TACC1: variants seen among roughly 807,000 people sequenced by gnomAD.
TACC1 encodes transforming acidic coiled-coil containing protein 1, also known as transforming acidic coiled-coil-containing protein 1.
TACC1 carries 48 observed loss-of-function variants against 84.4 expected under a neutral mutation model. The ratio of observed to expected loss-of-function variants is 0.57; its 90% CI spans 0.45 to 0.72. The LOEUF (loss-of-function observed/expected upper bound fraction) is 0.72. Ranked by LOEUF, TACC1 falls within the 30% of genes least tolerant of loss-of-function variation. The pLI is 0.00. For synonymous variants in TACC1, 372 were observed against 376.3 expected (o/e 0.99, Z 0.13); for missense variants, 920 against 973.0 (o/e 0.95, Z 0.72).
chr8:38,844,201 TTCTC>T (rs1294129110), intron 11 of TACC1, among the ~76,000 whole-genome samples: 6 of 152,004 alleles, frequency 3.9e-5, no homozygotes, highest in African/African-American at 7.2e-5. Context: ...GAGACGGAGT[TTCTC>T]TCTGTCACCC....
chr8:38,839,327 A>G lies in TACC1; in HGVS notation c.1916+781A>G, dbSNP rs190672181. 542 of 396,194 alleles carry G rather than the reference A, an allele frequency of 1.4e-3. 1 individual carries two copies. The highest frequency in any genetic ancestry group is 2.2e-3 in the Non-Finnish European group (493 of 224,270). The allele number at this position is 396,194 out of a possible 1,614,324, so 24.5% of individuals were successfully genotyped here. On this transcript the variant is annotated intron_variant, in intron 8 of 12. Transcript: ENST00000317827. ...TCTTTTTATTTTTCCTCACTTTTAG[A>G]AAGGAGAGTTATGAGCCATGAAATG... is the stretch of plus-strand genomic sequence containing the variant.
At chr8:38,776,010 G>T (rs904301340) in intron 3 of TACC1, among the ~76,000 whole-genome samples, 1 of 152,126 alleles carries the variant, frequency 6.6e-6, no homozygotes, top group Non-Finnish European at 1.5e-5. Context: ...TGAAGCCAAA[G>T]AACAATGATT....
intron 5 of TACC1, among the ~76,000 whole-genome samples, chr8:38,829,913 C>G (rs1357425191): frequency 6.6e-6 from 1 of 152,078 alleles, no homozygotes; most frequent in Non-Finnish European, 1.5e-5. Context: ...GGTGAGTGTC[C>G]CCTTGAAGCT....
In TACC1 at chr8:38,842,464, C is replaced by A; in HGVS notation, c.2121+17C>A. The A allele has an allele frequency of 6.3e-7, 1 of 1,593,978 alleles. No individual in the cohort carries two copies. Among genetic ancestry groups the A allele is most frequent in the Non-Finnish European group, 8.5e-7 (1 of 1,170,540 alleles). ...TTCAAGAAGGTAGAGTGTTTTTTCC[C>A]TCTGTCTCCTGGTGTATTTCCAGTA... On this transcript the variant is annotated intron_variant, in intron 10 of 12. Transcript: ENST00000317827.
chr8:38,743,292 TTGAA>T (rs3076913), intron 2 of TACC1, among the ~76,000 whole-genome samples: 30,147 of 150,942 alleles, frequency 0.2, 3,130 homozygotes, highest in African/African-American at 0.22. Context: ...TATATATTTG[TTGAA>T]TGAATGAATG....
At chr8:38,757,223 T>TCCCTCGCCCC in intron 3 of TACC1, 1 of 109,678 alleles carries the variant, frequency 9.1e-6, no homozygotes, top group South Asian at 5.7e-5. Flanking sequence ...CACCCCGCCC[T>TCCCTCGCCCC]CCCTCGCCCC....
intron 2 of TACC1, among the ~76,000 whole-genome samples, chr8:38,794,109 A>G (rs771078997): frequency 6.6e-6 from 1 of 152,152 alleles, no homozygotes; most frequent in Non-Finnish European, 1.5e-5. Context: ...CATATTTGCA[A>G]AGGGGAAGTG....
chr8:38,845,916 A>G (rs564309069), intron 11 of TACC1, among the ~76,000 whole-genome samples: 1 of 152,336 alleles, frequency 6.6e-6, no homozygotes, highest in East Asian at 1.9e-4. Context: ...ATTTTAATTT[A>G]CATGCCTCTG....
Position 38,827,264 on chromosome 8 carries a change from A to T in TACC1, c.1549A>T (p.Lys517Ter). The change falls in exon 5 of 13, where the codon AAA (lysine) becomes TAA (stop). Residue 517 changes from lysine (K) to a stop codon, truncating the protein, a stop_gained. Coordinates refer to ENST00000317827, the MANE Select transcript of TACC1 (RefSeq NM_006283.3). LOFTEE classifies it high-confidence loss of function. ...EKLASTSCGQKSAGAEVKGEP... is the reference protein window; with the variant it reads ...EKLASTSCGQ Reference sequence around the variant, plus strand: ...ACTGGCATCCACGTCATGTGGTCAGAAATCAGCTGGTGCCGAGGTGAAAGG... The same window carrying T: ...ACTGGCATCCACGTCATGTGGTCAGTAATCAGCTGGTGCCGAGGTGAAAGG... 6.2e-7 allele frequency: 1 copy of T among 1,614,210 alleles called. No homozygotes were observed. Among genetic ancestry groups the T allele is most frequent in the Non-Finnish European group, 8.5e-7 (1 of 1,180,044 alleles).
At chr8:38,809,460 C>T (rs1005937104) in intron 2 of TACC1, among the ~76,000 whole-genome samples, 5 of 152,082 alleles carry the variant, frequency 3.3e-5, no homozygotes, top group East Asian at 3.9e-4. Flanking sequence ...AGCTCTTGGA[C>T]GGCTTTGCCC....
At chr8:38,844,104 G>A (rs1831771438) in intron 11 of TACC1, among the ~76,000 whole-genome samples, 1 of 152,078 alleles carries the variant, frequency 6.6e-6, no homozygotes, top group Non-Finnish European at 1.5e-5. Flanking sequence ...AAATCAAATA[G>A]GTGAAAATGG....
chr8:38,830,992 A>G, intron 5 of TACC1, 133 bp from the exon 6 acceptor site: 1 of 751,722 alleles, frequency 1.3e-6, no homozygotes, highest in Non-Finnish European at 2.2e-6. Flanking sequence ...CGCTCCTTTT[A>G]AATAAAATCT....
At position 38,780,429 on chromosome 8, in the gene TACC1, C is replaced by T. The variant is rs920407587; in HGVS notation, c.27-8275C>T. On this transcript the variant is annotated intron_variant, in intron 3 of 14. Transcript: ENST00000518415. Reference sequence around the variant, plus strand: ...CCAGGCTGGAGTGCAGTGGCACGATCTTGGCTCACTGCAACCTCCGCCTCC... The same window carrying T: ...CCAGGCTGGAGTGCAGTGGCACGATTTTGGCTCACTGCAACCTCCGCCTCC... Among the ~76,000 whole-genome samples the T allele has an allele frequency of 5.9e-5, 9 of 152,216 alleles. No individual in the cohort carries two copies. The Middle Eastern group carries it at 0.01, about 173-fold the overall frequency.
chr8:38,788,957 C>T (rs1817988255), intron 2 of TACC1, 138 bp downstream of exon 2: 2 of 673,432 alleles, frequency 3.0e-6, no homozygotes, highest in East Asian at 5.6e-5. Flanking sequence ...AACCTCCTGG[C>T]TTATGTATTT....
chr8:38,840,964 G>T (rs537777219), intron 9 of TACC1, among the ~76,000 whole-genome samples: 1 of 152,258 alleles, frequency 6.6e-6, no homozygotes, highest in East Asian at 1.9e-4. Flanking sequence ...CAGGAGAATC[G>T]CTTGAACCTG....
chr8:38,773,621 T>TCTATCTAGCTAG (rs754006056), intron 3 of TACC1, among the ~76,000 whole-genome samples: 8,108 of 145,056 alleles, frequency 0.056, 346 homozygotes, highest in Non-Finnish European at 0.081. Context: ...TATCTAGCTA[T>TCTATCTAGCTAG]CTATCTGTTG....
chr8:38,829,342 T>G (rs1828761875), intron 5 of TACC1, among the ~76,000 whole-genome samples: 1 of 152,198 alleles, frequency 6.6e-6, no homozygotes, highest in Non-Finnish European at 1.5e-5. Flanking sequence ...GTTCCTGATT[T>G]CTTCCAATAC....
At chr8:38,762,687 G>T (rs1243829093) in intron 3 of TACC1, among the ~76,000 whole-genome samples, 2 of 151,974 alleles carry the variant, frequency 1.3e-5, no homozygotes, top group Non-Finnish European at 2.9e-5. Context: ...CTCCCTAGTA[G>T]CTGAGATTAC....
intron 9 of TACC1, among the ~76,000 whole-genome samples, chr8:38,842,076 G>A (rs893620640): frequency 3.9e-5 from 6 of 151,910 alleles, no homozygotes; most frequent in Non-Finnish European, 7.4e-5. Context: ...TACAGTAACA[G>A]CCCCCTCCCC....
Sources: allele counts gnomAD v4.1 joint callset (sites outside exome capture counted in the v4.1 genomes callset), GRCh38; gene constraint gnomAD v4.1.1; transcripts MANE v1.5; gene names NCBI Gene and HGNC (gene_info 2026-07-23, HGNC 2026-07-21).